Variants in CHN2 observed in about 807,000 individuals in gnomAD.
The protein encoded by CHN2 is chimerin 2.
CHN2 carries 35 observed loss-of-function variants against 56.3 expected under a neutral mutation model. The observed-to-expected ratio is 0.62, with a 90% confidence interval of 0.47 to 0.82. The LOEUF (loss-of-function observed/expected upper bound fraction) is 0.82. Among genes scored for constraint, CHN2 ranks in the 40% least tolerant of loss-of-function variants. The pLI is 0.00. For synonymous variants in CHN2, 210 were observed against 212.8 expected (o/e 0.99, Z 0.12); for missense variants, 491 against 580.5 (o/e 0.85, Z 1.58).
chr7:29,492,678 T>C (rs1788792832), intron 7 of CHN2, among the ~76,000 whole-genome samples: 1 of 152,216 alleles, frequency 6.6e-6, no homozygotes, highest in African/African-American at 2.4e-5. Context: ...TTGAACATCA[T>C]AGCCAGCCTT....
intron 1 of CHN2, among the ~76,000 whole-genome samples, chr7:29,257,820 C>T (rs1789195797): frequency 6.6e-6 from 1 of 152,152 alleles, no homozygotes; most frequent in Admixed American, 6.6e-5. Flanking sequence ...CGGGGTCTCA[C>T]TCTGTCACTC....
intron 1 of CHN2, among the ~76,000 whole-genome samples, chr7:29,222,658 A>G (rs1436602536): frequency 6.6e-6 from 1 of 152,208 alleles, no homozygotes; most frequent in Non-Finnish European, 1.5e-5. Flanking sequence ...GGATTAGAGG[A>G]TTGTAAAGAT....
At chr7:29,148,982 C>T (rs934937847) in intron 2 of CHN2, among the ~76,000 whole-genome samples, 3 of 152,114 alleles carry the variant, frequency 2.0e-5, no homozygotes, top group African/African-American at 7.2e-5. Flanking sequence ...GGTGGCAGCA[C>T]AGGCAATGAG....
At chr7:29,318,045 A>G (rs762546001) in intron 1 of CHN2, among the ~76,000 whole-genome samples, 1 of 152,164 alleles carries the variant, frequency 6.6e-6, no homozygotes, top group Non-Finnish European at 1.5e-5. Context: ...GCCAGGGTGG[A>G]GAATGTAGAT....
intron 3 of CHN2, among the ~76,000 whole-genome samples, chr7:29,377,582 AATG>A (rs1800168265): frequency 1.3e-5 from 2 of 152,222 alleles, no homozygotes; most frequent in Non-Finnish European, 2.9e-5. Context: ...CTGTGTGCTT[AATG>A]AGCATTTCTC....
chr7:29,166,746 A>G (rs555513546), intron 2 of CHN2, among the ~76,000 whole-genome samples: 19 of 151,954 alleles, frequency 1.3e-4, no homozygotes, highest in East Asian at 7.7e-4. Context: ...TATCATTTCT[A>G]TTTTTTTCTT....
At chr7:29,422,057 C>G (rs1339844947) in intron 6 of CHN2, among the ~76,000 whole-genome samples, 1 of 151,906 alleles carries the variant, frequency 6.6e-6, no homozygotes, top group Admixed American at 6.6e-5. Context: ...ATGTAACATT[C>G]TCCTTTGAAA....
At chr7:29,502,136 A>G (rs1488742924) in intron 9 of CHN2, among the ~76,000 whole-genome samples, 6 of 152,154 alleles carry the variant, frequency 3.9e-5, no homozygotes, top group African/African-American at 1.4e-4. Context: ...CTGTCTAACT[A>G]TATTATGTAG....
At chr7:29,156,400 C>T (rs1794377830) in intron 2 of CHN2, among the ~76,000 whole-genome samples, 1 of 152,142 alleles carries the variant, frequency 6.6e-6, no homozygotes, top group Admixed American at 6.5e-5. Context: ...AAATCTGAGG[C>T]ACTGTACCAT....
At chr7:29,400,025 G>T (rs12669481) in intron 5 of CHN2, among the ~76,000 whole-genome samples, 1 of 151,966 alleles carries the variant, frequency 6.6e-6, no homozygotes, top group South Asian at 2.1e-4. Flanking sequence ...CAACTAGGGC[G>T]GAAGGCATGG....
At chr7:29,387,349 C>T (rs937483810) in intron 3 of CHN2, among the ~76,000 whole-genome samples, 2 of 152,212 alleles carry the variant, frequency 1.3e-5, no homozygotes, top group African/African-American at 4.8e-5. Context: ...CAGAGTCCCA[C>T]AGTAACTGGA....
chr7:29,372,451 T>G (rs978109362), intron 3 of CHN2, among the ~76,000 whole-genome samples: 1 of 152,206 alleles, frequency 6.6e-6, no homozygotes, highest in Admixed American at 6.5e-5. Context: ...TCTGATACAC[T>G]TTCTTAACAT....
intron 1 of CHN2, among the ~76,000 whole-genome samples, chr7:29,298,813 T>C (rs1014112505): frequency 2.6e-5 from 4 of 152,188 alleles, no homozygotes; most frequent in Non-Finnish European, 4.4e-5. Flanking sequence ...TAGAATTTAA[T>C]GACAAATGTA....
chr7:29,196,553 T>C (rs1372940795), intron 1 of CHN2, among the ~76,000 whole-genome samples: 1 of 152,264 alleles, frequency 6.6e-6, no homozygotes, highest in African/African-American at 2.4e-5. Context: ...TGGTGTTGGC[T>C]TTCTATTAGC....
At chr7:29,402,807 A>G (rs1802323127) in intron 6 of CHN2, among the ~76,000 whole-genome samples, 1 of 152,150 alleles carries the variant, frequency 6.6e-6, no homozygotes. Context: ...AGAAACTGAT[A>G]TTTCTGGACA....
intron 1 of CHN2, among the ~76,000 whole-genome samples, chr7:29,224,582 G>C (rs13243414): frequency 0.15 from 22,727 of 152,078 alleles, 1,972 homozygotes; most frequent in Non-Finnish European, 0.2. Flanking sequence ...CTTTGTCTCA[G>C]TTTTAAATAT....
chr7:29,291,789 C>T (rs931584455), intron 1 of CHN2, among the ~76,000 whole-genome samples: 10 of 152,120 alleles, frequency 6.6e-5, no homozygotes, highest in African/African-American at 2.4e-4. Flanking sequence ...AAAACTGCCA[C>T]GATTCTTACA....
chr7:29,216,830 T>A (rs1217849100), intron 1 of CHN2, among the ~76,000 whole-genome samples: 1 of 152,226 alleles, frequency 6.6e-6, no homozygotes, highest in South Asian at 2.1e-4. Context: ...ACTTATGAAA[T>A]GCGAATGCTA....
intron 2 of CHN2, among the ~76,000 whole-genome samples, chr7:29,152,067 A>G (rs1477364750): frequency 6.6e-6 from 1 of 152,192 alleles, no homozygotes; most frequent in South Asian, 2.1e-4. Context: ...TATTGTGCCT[A>G]TGAAGAGTTG....
Sources: allele counts gnomAD v4.1 joint callset (sites outside exome capture counted in the v4.1 genomes callset), GRCh38; gene constraint gnomAD v4.1.1; transcripts MANE v1.5; gene names NCBI Gene and HGNC (gene_info 2026-07-23, HGNC 2026-07-21).